Variants in BAZ2B observed in about 807,000 individuals in gnomAD.
BAZ2B encodes bromodomain adjacent to zinc finger domain protein 2B.
In BAZ2B, 91 loss-of-function variants were observed where a neutral mutation model predicts 246.0. The ratio of observed to expected loss-of-function variants is 0.37; its 90% CI spans 0.31 to 0.44. The LOEUF is 0.44. Among genes scored for constraint, BAZ2B ranks in the 20% least tolerant of loss-of-function variants. The pLI is 1.00. For synonymous variants in BAZ2B, 855 were observed against 860.0 expected, an observed-to-expected ratio of 0.99 and a Z score of 0.10; for missense variants, 2,332 against 2,533.7, an observed-to-expected ratio of 0.92 and a Z score of 1.71.
At chr2:159,564,298 G>A (rs538899230) in intron 1 of BAZ2B, among the ~76,000 whole-genome samples, 9 of 152,166 alleles carry the variant, frequency 5.9e-5, no homozygotes, top group African/African-American at 2.2e-4. Flanking sequence ...GAGCAAGGCA[G>A]AGACCACAGA....
intron 31 of BAZ2B, among the ~76,000 whole-genome samples, 195 bp downstream of exon 31, chr2:159,347,291 T>C (rs1215810531): frequency 6.6e-6 from 1 of 152,136 alleles, no homozygotes; most frequent in African/African-American, 2.4e-5. Flanking sequence ...GCACTTACTA[T>C]ATGACCATTG....
At position 159,428,416 on chromosome 2, in the gene BAZ2B, C is replaced by A. The variant is rs1422032301; in HGVS notation, c.2259G>T (p.Trp753Cys). ...RELRIPLEYG[W>C]QRETRIRNFG... ...AGTTTCTTATTCTTGTCTCTCTCTG[C>A]CAGCTACACATAACAGAAATGAAGG... The change falls in exon 12 of 37, where the codon TGG becomes TGT. Residue 753 changes from tryptophan to cysteine, a missense_variant. By Grantham distance (215) the Trp-to-Cys change is radical. Transcript: ENST00000392783. 6.2e-7 allele frequency: 1 copy of A among 1,609,846 alleles called. No homozygotes were observed. The highest frequency in any genetic ancestry group is 8.5e-7 in the Non-Finnish European group (1 of 1,177,156).
intron 2 of BAZ2B, among the ~76,000 whole-genome samples, chr2:159,479,055 T>C (rs1016100917): frequency 2.6e-5 from 4 of 152,050 alleles, no homozygotes; most frequent in Non-Finnish European, 4.4e-5. Flanking sequence ...TCACATCAGT[T>C]CACTTGCAAC....
chr2:159,518,902 C>T (rs1212859719), intron 2 of BAZ2B, among the ~76,000 whole-genome samples: 2 of 152,126 alleles, frequency 1.3e-5, no homozygotes, highest in Non-Finnish European at 1.5e-5. Context: ...AAACAAGCTC[C>T]AAAGCATTCT....
chr2:159,327,180 T>C (rs763392534), intron 34 of BAZ2B, among the ~76,000 whole-genome samples: 1 of 151,772 alleles, frequency 6.6e-6, no homozygotes, highest in Non-Finnish European at 1.5e-5. Flanking sequence ...GCCACCCGAG[T>C]AGCTGGGGCT....
chr2:159,643,447 A>T, the BAZ2B span, among the ~76,000 whole-genome samples: 3 of 152,126 alleles, frequency 2.0e-5, no homozygotes, highest in African/African-American at 7.2e-5. Context: ...TACAGGCCCC[A>T]TTTCCAAAAA....
intron 10 of BAZ2B, 140 bp downstream of exon 10, chr2:159,430,723 A>G: frequency 7.5e-7 from 1 of 1,340,002 alleles, no homozygotes; most frequent in Non-Finnish European, 9.9e-7. Flanking sequence ...TTGAAAATAC[A>G]GGCTCACCTT....
At position 159,348,702 on chromosome 2, in the gene BAZ2B, G is replaced by A. The variant is rs773465437; in HGVS notation, c.5269C>T (p.Gln1757Ter). 1 of 1,607,734 alleles carries A rather than the reference G, an allele frequency of 6.2e-7. No homozygotes were observed. Among genetic ancestry groups the A allele is most frequent in the Non-Finnish European group, 8.5e-7 (1 of 1,178,586 alleles). Reference sequence around the variant, plus strand: ...CCATCCTTATTCTTGAGGCAGGCTTGAGTAATATAATCCAAATGTTTCTGA... The same window carrying A: ...CCATCCTTATTCTTGAGGCAGGCTTAAGTAATATAATCCAAATGTTTCTGA... ...QIQKHLDYIT[Q>*]ACLKNKDVAI... is the part of the protein sequence containing the mutation. Residue 1757 changes from glutamine (Q) to a stop codon, truncating the protein, a stop_gained, in exon 30 of 37, where the codon CAA (glutamine) becomes TAA (stop). Transcript: ENST00000392783. LOFTEE classifies it high-confidence loss of function.
rs1041671384 is a variant in BAZ2B, at chr2:159,427,833, T to A, written c.2466+108A>T. ...CCACAAAGTTATATGTATAGCCATA[T>A]GAACTAATTAAAGAAAGGCAATGCT... is the stretch of plus-strand genomic sequence containing the variant. On this transcript the variant is annotated intron_variant, in intron 13 of 36. Transcript: ENST00000392783. 3.7e-6 allele frequency: 3 copies of A among 820,304 alleles called. No homozygotes were observed. The African/African-American group carries it at 5.2e-5, about 14-fold the overall frequency. The allele number at this position is 820,304 out of a possible 1,614,324, so 50.8% of individuals were successfully genotyped here. A position where few individuals can be genotyped will look rare whatever the true frequency, so the allele number is the denominator to read the frequency against.
intron 21 of BAZ2B, among the ~76,000 whole-genome samples, chr2:159,387,731 C>T (rs1026330001): frequency 6.6e-6 from 1 of 151,950 alleles, no homozygotes; most frequent in African/African-American, 2.4e-5. Flanking sequence ...TTAAAATGGA[C>T]TTACATATTT....
chr2:159,366,994 G>A (rs751170915), intron 27 of BAZ2B, among the ~76,000 whole-genome samples: 5 of 152,128 alleles, frequency 3.3e-5, no homozygotes, highest in Non-Finnish European at 5.9e-5. Flanking sequence ...TTGTTCCCAA[G>A]ACCCATCAGC....
chr2:159,335,730 G>A (rs1239789375), intron 33 of BAZ2B, among the ~76,000 whole-genome samples: 1 of 152,066 alleles, frequency 6.6e-6, no homozygotes, highest in Non-Finnish European at 1.5e-5. Context: ...AGGTAAAGAC[G>A]AAAGAAAGAA....
At chr2:159,345,271 A>G (rs2067587902) in intron 31 of BAZ2B, among the ~76,000 whole-genome samples, 1 of 152,114 alleles carries the variant, frequency 6.6e-6, no homozygotes, top group Admixed American at 6.6e-5. Context: ...CTCGTGCTCT[A>G]TACCACTGTA....
chr2:159,559,278 A>T (rs1167281230), intron 1 of BAZ2B, among the ~76,000 whole-genome samples: 2 of 151,972 alleles, frequency 1.3e-5, no homozygotes, highest in Admixed American at 1.3e-4. Flanking sequence ...GATAAAACAC[A>T]TTACTCTCTC....
intron 19 of BAZ2B, chr2:159,396,611 G>A (rs917745510): frequency 2.6e-5 from 4 of 152,062 alleles, no homozygotes; most frequent in Admixed American, 2.0e-4. Context: ...ATATCTCATC[G>A]ATTTTTTTGT....
intron 1 of BAZ2B, among the ~76,000 whole-genome samples, chr2:159,571,962 T>A (rs913868078): frequency 6.6e-6 from 1 of 152,212 alleles, no homozygotes; most frequent in African/African-American, 2.4e-5. Context: ...TTAATACTGT[T>A]ACAATGGCAA....
At chr2:159,594,467 T>A (rs920040140) in intron 1 of BAZ2B, among the ~76,000 whole-genome samples, 1 of 152,186 alleles carries the variant, frequency 6.6e-6, no homozygotes, top group African/African-American at 2.4e-5. Flanking sequence ...GAACCCAAGT[T>A]TACAAAAGAA....
At chr2:159,469,903 A>C (rs901053241) in intron 3 of BAZ2B, among the ~76,000 whole-genome samples, 1 of 152,216 alleles carries the variant, frequency 6.6e-6, no homozygotes, top group Non-Finnish European at 1.5e-5. Flanking sequence ...TCTTTGAAAA[A>C]CACAAGAGAG....
At chr2:159,383,545 C>T in intron 24 of BAZ2B, 61 bp downstream of exon 24, 1 of 1,385,594 alleles carries the variant, frequency 7.2e-7, no homozygotes, top group Non-Finnish European at 1.0e-6. Flanking sequence ...AATTCATATG[C>T]TTTACTGGGA....
Sources: gnomAD v4.1 joint callset for allele counts (sites outside exome capture counted in the v4.1 genomes callset) on GRCh38, gnomAD v4.1.1 for gene constraint, MANE v1.5 for transcripts, NCBI Gene and HGNC (gene_info 2026-07-23, HGNC 2026-07-21) for gene names.